Variants in STK32A observed in about 807,000 individuals in gnomAD.
The protein encoded by STK32A is serine/threonine-protein kinase 32A.
Under a neutral mutation model 53.2 loss-of-function variants are expected in STK32A, and 41 were observed. The ratio of observed to expected loss-of-function variants is 0.77; its 90% CI spans 0.60 to 1.00. STK32A has a LOEUF of 1.00. Ranked by LOEUF, STK32A falls within the 50% of genes least tolerant of loss-of-function variation. The pLI, the probability that STK32A is intolerant of heterozygous loss-of-function variation, is 0.00. For synonymous variants in STK32A, 166 were observed against 162.8 expected, an observed-to-expected ratio of 1.02 and a Z score of -0.15; for missense variants, 458 against 485.8, an observed-to-expected ratio of 0.94 and a Z score of 0.54.
intron 4 of STK32A, among the ~76,000 whole-genome samples, chr5:147,291,003 C>T (rs1262371532): frequency 1.3e-5 from 2 of 152,052 alleles, no homozygotes; most frequent in African/African-American, 4.8e-5. Context: ...TCACAAATTA[C>T]AGGAACACAA....
At position 147,296,758 on chromosome 5, in the gene STK32A, C is replaced by G. The variant is rs372941375; in HGVS notation, c.260+17360C>G. Among the ~76,000 whole-genome samples the G allele has an allele frequency of 4.0e-4, 61 of 152,282 alleles. No individual in the cohort carries two copies. In the South Asian group the frequency reaches 9.7e-3, roughly 24 times the overall value. Reference sequence around the variant, plus strand: ...GACAGTTTAACAACCACCTGACCATCACCTAATGGTTGTCTGACATTCCTT... The same window carrying G: ...GACAGTTTAACAACCACCTGACCATGACCTAATGGTTGTCTGACATTCCTT... On this transcript the variant is annotated intron_variant, in intron 4 of 12. Coordinates refer to ENST00000397936, the MANE Select transcript of STK32A (RefSeq NM_001112724.2).
chr5:147,332,715 G>A (rs1332927091), intron 5 of STK32A, among the ~76,000 whole-genome samples: 1 of 152,132 alleles, frequency 6.6e-6, no homozygotes, highest in Non-Finnish European at 1.5e-5. Flanking sequence ...GACCACTTGA[G>A]CCTCAAAACA....
At position 147,279,257 on chromosome 5, in the gene STK32A, T is replaced by C. The variant is rs1751919351; in HGVS notation, c.119T>C (p.Val40Ala). The change falls in exon 4 of 13, where the codon GTA (valine) becomes GCA (alanine). Residue 40 changes from valine (V) to alanine (A), a missense_variant. By Grantham distance (64) the Val-to-Ala change is moderately conservative. Transcript: ENST00000397936. ...GKGSFGKVCI[V>A]QKNDTKKMYA... ...GGTTTTCACCATTAGGTCTGCATTG[T>C]ACAGAAGAATGATACCAAGAAGATG... 6.2e-7 allele frequency: 1 copy of C among 1,613,666 alleles called. No individual in the cohort carries two copies. Among genetic ancestry groups the C allele is most frequent in the South Asian group, 1.1e-5 (1 of 91,026 alleles).
At chr5:147,312,299 T>A (rs1753742518) in intron 4 of STK32A, among the ~76,000 whole-genome samples, 2 of 152,170 alleles carry the variant, frequency 1.3e-5, no homozygotes. Context: ...AGACGGGGTT[T>A]TGCCATATTG....
chr5:147,307,387 G>A lies in STK32A; in HGVS notation c.261-16511G>A, dbSNP rs566913606. Among the ~76,000 whole-genome samples, 207 of 152,108 alleles carry A rather than the reference G, an allele frequency of 1.4e-3. 1 individual carries two copies. The highest frequency in any genetic ancestry group is 4.6e-3 in the African/African-American group (192 of 41,524). Reference sequence around the variant, plus strand: ...TGTAATCCCAGCACTGTGGAAGGCCGAGGCAGGCAGATCACTTGAGGCCAG... The same window carrying A: ...TGTAATCCCAGCACTGTGGAAGGCCAAGGCAGGCAGATCACTTGAGGCCAG... On this transcript the variant is annotated intron_variant, in intron 4 of 12. Coordinates refer to ENST00000397936, the MANE Select transcript of STK32A (RefSeq NM_001112724.2).
At chr5:147,291,556 A>ATT (rs1752600284) in intron 4 of STK32A, among the ~76,000 whole-genome samples, 2 of 152,182 alleles carry the variant, frequency 1.3e-5, no homozygotes, top group Admixed American at 1.3e-4. Context: ...ACAATTAAAA[A>ATT]AAAAAAAGAA....
intron 1 of STK32A, among the ~76,000 whole-genome samples, chr5:147,237,220 G>GGA (rs1169376061): frequency 6.6e-6 from 1 of 152,056 alleles, no homozygotes; most frequent in Non-Finnish European, 1.5e-5. Context: ...GGCTGAGGCA[G>GGA]GAGAATGGCG....
intron 11 of STK32A, among the ~76,000 whole-genome samples, chr5:147,377,397 C>T (rs1757274878): frequency 1.3e-5 from 2 of 152,048 alleles, no homozygotes; most frequent in South Asian, 4.1e-4. Flanking sequence ...CTAGAAAGCT[C>T]AATGTTTGAG....
At chr5:147,374,966 G>T in intron 10 of STK32A, 124 bp from the exon 11 acceptor site, 1 of 690,164 alleles carries the variant, frequency 1.4e-6, no homozygotes, top group Non-Finnish European at 2.1e-6. Context: ...CTTAGAGTGG[G>T]AATCCCAGTG....
chr5:147,304,612 A>C (rs1472039614), intron 4 of STK32A, among the ~76,000 whole-genome samples: 1 of 152,196 alleles, frequency 6.6e-6, no homozygotes, highest in African/African-American at 2.4e-5. Flanking sequence ...GACTAAAGAC[A>C]TTGCTCTCTA....
chr5:147,265,320 G>A (rs1228893665), intron 2 of STK32A, among the ~76,000 whole-genome samples: 5 of 151,802 alleles, frequency 3.3e-5, no homozygotes, highest in African/African-American at 9.7e-5. Flanking sequence ...GTTAAAATCC[G>A]AGAGGCAAAA....
intron 3 of STK32A, among the ~76,000 whole-genome samples, 180 bp from the exon 4 acceptor site, chr5:147,279,067 G>A (rs1171107792): frequency 1.3e-5 from 2 of 152,184 alleles, no homozygotes; most frequent in Non-Finnish European, 2.9e-5. Context: ...TTGAACTGGT[G>A]CATAGAAAAG....
intron 2 of STK32A, among the ~76,000 whole-genome samples, chr5:147,251,171 C>T (rs182916311): frequency 5.9e-5 from 9 of 152,180 alleles, no homozygotes; most frequent in East Asian, 1.9e-4. Flanking sequence ...GCAGGCTAGA[C>T]GCACAGGGCC....
At chr5:147,360,450 C>CAAAAAAAAAAAAAAAAAAA (rs56690647) in intron 7 of STK32A, among the ~76,000 whole-genome samples, 2 of 81,170 alleles carry the variant, frequency 2.5e-5, no homozygotes, top group Non-Finnish European at 2.5e-5. Context: ...GATTCTGTCT[C>CAAAAAAAAAAAAAAAAAAA]AAAAAAAAAA....
intron 5 of STK32A, among the ~76,000 whole-genome samples, chr5:147,330,098 G>C (rs752925047): frequency 1.3e-5 from 2 of 152,056 alleles, no homozygotes; most frequent in African/African-American, 4.8e-5. Flanking sequence ...TTATCAGCTC[G>C]CAGTTTCTTT....
rs1757693040 is a variant in STK32A, at chr5:147,387,116, T to C, written c.*3133T>C. 1 of 152,242 alleles carries C rather than the reference T, an allele frequency of 6.6e-6. No individual in the cohort carries two copies. Among genetic ancestry groups the C allele is most frequent in the Non-Finnish European group, 1.5e-5 (1 of 68,056 alleles). The allele number at this position is 152,242 out of a possible 1,614,324, so 9.4% of individuals were successfully genotyped here. The stretch of plus-strand genomic sequence containing the variant: ...TGCAAAGTCTGAGCAGGTTTTGAAG[T>C]CCAAGAGCATCCCAGCTATAAGGCT... On this transcript the variant is annotated 3_prime_UTR_variant, in exon 13 of 13. Transcript: ENST00000397936.
chr5:147,334,310 G>A lies in STK32A; in HGVS notation c.435-8696G>A, dbSNP rs192416270. Reference sequence around the variant, plus strand: ...GATTTACAATTAGCCTCATAGTTCTGTTGCTGCCTATTGGAGTTTTACTAC... The same window carrying A: ...GATTTACAATTAGCCTCATAGTTCTATTGCTGCCTATTGGAGTTTTACTAC... On this transcript the variant is annotated intron_variant, in intron 5 of 12. Coordinates refer to ENST00000397936, the MANE Select transcript of STK32A (RefSeq NM_001112724.2). Among the ~76,000 whole-genome samples the A allele has an allele frequency of 3.5e-4, 54 of 152,290 alleles. 1 individual carries two copies. The highest frequency in any genetic ancestry group is 1.3e-3 in the African/African-American group (53 of 41,544).
At chr5:147,324,780 CATTAA>C (rs1253826913) in intron 5 of STK32A, among the ~76,000 whole-genome samples, 1 of 152,092 alleles carries the variant, frequency 6.6e-6, no homozygotes, top group Admixed American at 6.5e-5. Flanking sequence ...GGCTTGTATA[CATTAA>C]ATTATCACCC....
intron 4 of STK32A, among the ~76,000 whole-genome samples, chr5:147,301,463 TC>T (rs1260517581): frequency 6.6e-6 from 1 of 152,140 alleles, no homozygotes; most frequent in Non-Finnish European, 1.5e-5. Flanking sequence ...TGTCCCTGCT[TC>T]CCCATAGCCA....
Sources: gnomAD v4.1 joint callset for allele counts (sites outside exome capture counted in the v4.1 genomes callset) on GRCh38, gnomAD v4.1.1 for gene constraint, MANE v1.5 for transcripts, NCBI Gene and HGNC (gene_info 2026-07-23, HGNC 2026-07-21) for gene names.